The following PKHD1 variants were observed in gnomAD, a reference collection of about 807,000 sequenced individuals.
PKHD1 encodes the protein fibrocystin.
Under a neutral mutation model 412.0 loss-of-function variants are expected in PKHD1, and 291 were observed. The ratio of observed to expected loss-of-function variants is 0.71; its 90% confidence interval spans 0.64 to 0.78. The LOEUF is 0.78. Among genes scored for constraint, PKHD1 ranks in the 30% least tolerant of loss-of-function variants. PKHD1 has a pLI of 0.00. For missense variants in PKHD1, 4,825 were observed against 4,950.7 expected (o/e 0.97, Z 0.76); for synonymous variants, 1,777 against 1,821.5 (o/e 0.98, Z 0.62).
chr6:52,065,162 TATATATAGAGAG>T lies in PKHD1; in HGVS notation c.881-124_881-113del, dbSNP rs1310603747. 12 of 66,184 alleles carry T rather than the reference TATATATAGAGAG, an allele frequency of 1.8e-4. 1 individual carries two copies. The highest frequency in any genetic ancestry group is 1.8e-3 in the Admixed American group (9 of 4,992). 4.1% of individuals were successfully genotyped at this position (66,184 alleles called of 1,614,324 possible). On this transcript the variant is annotated intron_variant, in intron 12 of 66. Coordinates refer to ENST00000371117, the MANE Select transcript of PKHD1 (RefSeq NM_138694.4). ...ATATATATATATATATATATATATA[TATATATAGAGAG>T]AGAGAGAGAGAGAGAGAGAGAGACA...
chr6:51,655,944 T>A (rs1009022803), intron 61 of PKHD1, among the ~76,000 whole-genome samples: 7 of 152,138 alleles, frequency 4.6e-5, no homozygotes, highest in African/African-American at 1.7e-4. Flanking sequence ...TCCTCAAGGA[T>A]CTAGAACAAG....
At chr6:51,888,212 G>T (rs35474162) in intron 43 of PKHD1, among the ~76,000 whole-genome samples, 3 of 152,074 alleles carry the variant, frequency 2.0e-5, no homozygotes, top group Non-Finnish European at 2.9e-5. Flanking sequence ...CTATTAAGTC[G>T]CCTTGATATT....
At chr6:51,791,817 A>C (rs1257008444) in intron 52 of PKHD1, among the ~76,000 whole-genome samples, 2 of 152,212 alleles carry the variant, frequency 1.3e-5, no homozygotes, top group Admixed American at 1.3e-4. Context: ...AAATAACTTT[A>C]TCTCTCTGTG....
chr6:51,730,895 G>T (rs907014621), intron 60 of PKHD1, among the ~76,000 whole-genome samples: 4 of 152,154 alleles, frequency 2.6e-5, no homozygotes, highest in African/African-American at 9.7e-5. Context: ...AATAAGCTCA[G>T]GTTTGAGATT....
chr6:51,864,760 A>C, intron 48 of PKHD1, among the ~76,000 whole-genome samples: 1 of 152,186 alleles, frequency 6.6e-6, no homozygotes, highest in East Asian at 1.9e-4. Context: ...AACATGATCA[A>C]TATAAACAAA....
intron 36 of PKHD1, among the ~76,000 whole-genome samples, chr6:51,956,304 ACGTG>A (rs1263329998): frequency 1.2e-5 from 1 of 80,508 alleles, no homozygotes; most frequent in African/African-American, 5.0e-5. Flanking sequence ...ACTTATACAT[ACGTG>A]TGTGTGTGTG....
chr6:51,725,552 CAAGA>C (rs1782471773), intron 60 of PKHD1, among the ~76,000 whole-genome samples: 1 of 152,052 alleles, frequency 6.6e-6, no homozygotes, highest in Non-Finnish European at 1.5e-5. Context: ...CAAGAAAGTC[CAAGA>C]AAGAAAGAGA....
intron 46 of PKHD1, among the ~76,000 whole-genome samples, chr6:51,872,576 T>C (rs1299481547): frequency 6.6e-6 from 1 of 152,120 alleles, no homozygotes; most frequent in African/African-American, 2.4e-5. Context: ...ATCTGGCTAA[T>C]TTTTGTACTT....
chr6:52,046,372 G>A (rs968205971), intron 23 of PKHD1, among the ~76,000 whole-genome samples, 184 bp from the exon 24 acceptor site: 1 of 152,166 alleles, frequency 6.6e-6, no homozygotes, highest in Non-Finnish European at 1.5e-5. Context: ...CTAAGGTAAA[G>A]ACAAGTAGAT....
intron 60 of PKHD1, among the ~76,000 whole-genome samples, chr6:51,677,125 C>G (rs1477084546): frequency 6.6e-6 from 1 of 151,990 alleles, no homozygotes; most frequent in Non-Finnish European, 1.5e-5. Flanking sequence ...AAACTAAGTA[C>G]AATTATAATA....
At chr6:52,049,248 C>T (rs9689645) in intron 22 of PKHD1, among the ~76,000 whole-genome samples, 4,191 of 152,276 alleles carry the variant, frequency 0.028, 202 homozygotes, top group African/African-American at 0.096. Flanking sequence ...AGGCTACAAG[C>T]CTGCTGCTGT....
At chr6:51,740,728 T>C (rs1473421343) in intron 60 of PKHD1, among the ~76,000 whole-genome samples, 1 of 152,174 alleles carries the variant, frequency 6.6e-6, no homozygotes, top group Non-Finnish European at 1.5e-5. Context: ...GAAATTTGCA[T>C]TAAGGAAGAA....
Position 52,072,048 on chromosome 6 carries a change from T to C in PKHD1, c.602+67A>G, listed in dbSNP as rs3936986. 417,674 of 873,050 alleles carry C rather than the reference T, an allele frequency of 0.48. 105,979 individuals are homozygous for C. The highest frequency in any genetic ancestry group is 0.62 in the Admixed American group (36,532 of 58,978). The allele number at this position is 873,050 out of a possible 1,614,324, so 54.1% of individuals were successfully genotyped here. A position where few individuals can be genotyped will look rare whatever the true frequency, so the allele number is the denominator to read the frequency against. ...AGTGGGGAGAGAAAGAGAGAGAATG[T>C]GTGTGTGTTGTATCCATGTGGACGA... is the stretch of plus-strand genomic sequence containing the variant. On this transcript the variant is annotated intron_variant, in intron 8 of 66. Coordinates refer to ENST00000371117, the MANE Select transcript of PKHD1 (RefSeq NM_138694.4).
rs116839316 is a variant in PKHD1, at chr6:51,791,879, G to A, written c.8303-506C>T. Among the ~76,000 whole-genome samples the A allele has an allele frequency of 4.7e-4, 72 of 152,266 alleles. 2 individuals carry two copies. The highest frequency in any genetic ancestry group is 1.3e-3 in the African/African-American group (55 of 41,544). ...GAATAATACTAAAAACAACTGTTTC[G>A]TTCACAGGACTTTTTGTGAGGGTTA... On this transcript the variant is annotated intron_variant, in intron 52 of 66. Transcript: ENST00000371117.
chr6:52,009,298 G>C (rs533624809), intron 35 of PKHD1, among the ~76,000 whole-genome samples: 1 of 152,236 alleles, frequency 6.6e-6, no homozygotes, highest in African/African-American at 2.4e-5. Context: ...GCACGGAACA[G>C]TTTAGTAAGG....
rs1772510920 is a variant in PKHD1, at chr6:51,659,712, A to C, written c.10414T>G (p.Cys3472Gly). ...ILPIRQITKV[C>G]FMDQTPQVLR... ...ACTTGAGGAGTTTGATCCATGAAGC[A>C]GACTTTGGTGATTTGCCTGATGGGT... is the stretch of plus-strand genomic sequence containing the variant. Residue 3472 changes from cysteine to glycine, a missense_variant, in exon 61 of 67, where the codon TGC becomes GGC. Transcript: ENST00000371117. The C allele has an allele frequency of 2.5e-6, 4 of 1,613,880 alleles. No individual in the cohort carries two copies. Among genetic ancestry groups the C allele is most frequent in the Non-Finnish European group, 2.5e-6 (3 of 1,179,870 alleles).
intron 29 of PKHD1, among the ~76,000 whole-genome samples, chr6:52,030,195 G>A (rs1373584325): frequency 6.6e-6 from 1 of 152,200 alleles, no homozygotes; most frequent in African/African-American, 2.4e-5. Context: ...AAAGAAGAGG[G>A]ATGTGGTGTG....
At chr6:52,056,345 T>C (rs1477227807) in intron 18 of PKHD1, among the ~76,000 whole-genome samples, 1 of 152,216 alleles carries the variant, frequency 6.6e-6, no homozygotes, top group Non-Finnish European at 1.5e-5. Context: ...TCTTAAGTAG[T>C]AATTCCTTTA....
chr6:51,938,844 T>C lies in PKHD1; in HGVS notation c.5909-4522A>G, dbSNP rs1787953386. 2.0e-5 allele frequency among the ~76,000 whole-genome samples: 3 copies of C among 151,664 alleles called. No individual in the cohort carries two copies. In the South Asian group the frequency reaches 6.2e-4, roughly 31 times the overall value. Reference sequence around the variant, plus strand: ...TTAAATCCGGTAAGCAGCCTCTTTTTACTCTCTTCTCCAACCTCTCTCACT... The same window carrying C: ...TTAAATCCGGTAAGCAGCCTCTTTTCACTCTCTTCTCCAACCTCTCTCACT... On this transcript the variant is annotated intron_variant, in intron 36 of 66. Coordinates refer to ENST00000371117, the MANE Select transcript of PKHD1 (RefSeq NM_138694.4).
Sources: allele counts gnomAD v4.1 joint callset (sites outside exome capture counted in the v4.1 genomes callset), GRCh38; gene constraint gnomAD v4.1.1; transcripts MANE v1.5; gene names NCBI Gene and HGNC (gene_info 2026-07-23, HGNC 2026-07-21).